Variants in CPNE4 observed in about 807,000 individuals in gnomAD.
The protein encoded by CPNE4 is copine-4.
A neutral mutation model predicts 67.9 loss-of-function variants in CPNE4; 25 were observed. The observed-to-expected ratio is 0.37, with a 90% CI of 0.27 to 0.51. The LOEUF (loss-of-function observed/expected upper bound fraction) is 0.51. Among genes scored for constraint, CPNE4 ranks in the 20% least tolerant of loss-of-function variants. CPNE4 has a pLI of 0.93. For synonymous variants in CPNE4, 242 were observed against 244.9 expected (o/e 0.99, Z 0.11); for missense variants, 464 against 690.8 (o/e 0.67, Z 3.68).
At chr3:131,555,089 G>C (rs1398268216) in intron 12 of CPNE4, among the ~76,000 whole-genome samples, 1 of 152,030 alleles carries the variant, frequency 6.6e-6, no homozygotes, top group Admixed American at 6.6e-5. Flanking sequence ...TGGACTCGGA[G>C]ACTTGGGATA....
At chr3:131,996,590 C>T (rs1055303704) in intron 1 of CPNE4, among the ~76,000 whole-genome samples, 3 of 151,758 alleles carry the variant, frequency 2.0e-5, no homozygotes, top group African/African-American at 7.3e-5. Flanking sequence ...GTACTTAATG[C>T]AGTCCAGCAC....
chr3:131,639,454 A>G (rs1351518800), intron 7 of CPNE4, among the ~76,000 whole-genome samples: 1 of 152,144 alleles, frequency 6.6e-6, no homozygotes, highest in East Asian at 1.9e-4. Flanking sequence ...TCCTAGATTA[A>G]ACCCGGATGA....
At chr3:131,751,454 A>G (rs1182801339) in intron 2 of CPNE4, among the ~76,000 whole-genome samples, 2 of 151,872 alleles carry the variant, frequency 1.3e-5, no homozygotes, top group African/African-American at 2.4e-5. Flanking sequence ...GCTTTTTAAT[A>G]CCAGTTGTTG....
chr3:131,933,556 G>A (rs1317403689), intron 1 of CPNE4, among the ~76,000 whole-genome samples: 2 of 152,106 alleles, frequency 1.3e-5, no homozygotes, highest in Non-Finnish European at 2.9e-5. Flanking sequence ...AAATCAGTGT[G>A]TCTAAGAGAT....
intron 6 of CPNE4, among the ~76,000 whole-genome samples, chr3:131,677,313 T>C (rs1051919032): frequency 1.3e-5 from 2 of 152,040 alleles, no homozygotes; most frequent in Non-Finnish European, 2.9e-5. Context: ...TTAAGTTCCT[T>C]ATAGACGCTG....
chr3:131,743,264 G>A (rs2082399244), intron 2 of CPNE4, among the ~76,000 whole-genome samples: 1 of 152,194 alleles, frequency 6.6e-6, no homozygotes, highest in Admixed American at 6.5e-5. Context: ...CTGTAGACCA[G>A]CCTGTGAAGG....
chr3:131,593,058 A>C (rs1364982551), intron 7 of CPNE4, among the ~76,000 whole-genome samples: 1 of 152,228 alleles, frequency 6.6e-6, no homozygotes, highest in Non-Finnish European at 1.5e-5. Context: ...CTATCTGGCT[A>C]GCAGTTCCCA....
intron 2 of CPNE4, among the ~76,000 whole-genome samples, chr3:131,870,759 CAGA>C (rs2087165918): frequency 6.6e-6 from 1 of 152,102 alleles, no homozygotes; most frequent in African/African-American, 2.4e-5. Context: ...ATGGTGCTAC[CAGA>C]AGGTTTCTAT....
chr3:131,583,511 C>A (rs1937975843), intron 8 of CPNE4, among the ~76,000 whole-genome samples: 1 of 152,124 alleles, frequency 6.6e-6, no homozygotes, highest in South Asian at 2.1e-4. Context: ...CTATTAATCT[C>A]AATTTCTTCT....
intron 2 of CPNE4, among the ~76,000 whole-genome samples, chr3:131,848,042 T>C (rs907575917): frequency 3.9e-5 from 6 of 152,184 alleles, no homozygotes; most frequent in African/African-American, 1.4e-4. Context: ...ATAGTACCCC[T>C]CTTGTGCTCA....
intron 3 of CPNE4, among the ~76,000 whole-genome samples, 172 bp downstream of exon 3, chr3:131,723,274 C>G (rs776311236): frequency 2.6e-5 from 4 of 152,098 alleles, no homozygotes; most frequent in Non-Finnish European, 4.4e-5. Flanking sequence ...AGAATCATCT[C>G]TACATAAACA....
chr3:131,801,458 A>G lies in CPNE4; in HGVS notation c.181-77833T>C, dbSNP rs1285552436. ...TGTGTGTGTGTGTGTGTGTGTATAT[A>G]TATATATATATATATATATAATATC... is the stretch of plus-strand genomic sequence containing the variant. On this transcript the variant is annotated intron_variant, in intron 2 of 15. Coordinates refer to ENST00000429747, the MANE Select transcript of CPNE4 (RefSeq NM_130808.3). Among the ~76,000 whole-genome samples the G allele has an allele frequency of 1.7e-3, 166 of 95,608 alleles. 1 individual carries two copies. Among genetic ancestry groups the G allele is most frequent in the East Asian group, 0.012 (38 of 3,178 alleles). The allele number at this position is 95,608 out of a possible 152,430, so 62.7% of individuals were successfully genotyped here.
At chr3:131,602,098 G>C (rs1202578539) in intron 7 of CPNE4, among the ~76,000 whole-genome samples, 1 of 152,176 alleles carries the variant, frequency 6.6e-6, no homozygotes, top group Non-Finnish European at 1.5e-5. Flanking sequence ...TGATTAACTT[G>C]TCTGGAGTGG....
intron 1 of CPNE4, among the ~76,000 whole-genome samples, chr3:132,005,336 T>TAA (rs2073565921): frequency 8.2e-5 from 2 of 24,356 alleles, no homozygotes; most frequent in Admixed American, 2.6e-4. Flanking sequence ...TATATATATA[T>TAA]ATATATACAC....
intron 2 of CPNE4, among the ~76,000 whole-genome samples, chr3:131,760,830 T>C (rs1189460053): frequency 1.3e-5 from 2 of 152,188 alleles, no homozygotes; most frequent in Non-Finnish European, 2.9e-5. Flanking sequence ...CAAAATGAGA[T>C]GACCAGTTCT....
At chr3:131,925,854 A>G (rs1004989999) in intron 1 of CPNE4, among the ~76,000 whole-genome samples, 1 of 152,180 alleles carries the variant, frequency 6.6e-6, no homozygotes, top group Admixed American at 6.5e-5. Context: ...ACTTTTGGTG[A>G]CTAGTCACCA....
At chr3:131,896,780 C>A (rs958001207) in intron 2 of CPNE4, among the ~76,000 whole-genome samples, 1 of 152,040 alleles carries the variant, frequency 6.6e-6, no homozygotes, top group Non-Finnish European at 1.5e-5. Flanking sequence ...GGATGCCTTA[C>A]CTTATTTCAC....
At chr3:132,010,799 C>T (rs1216674402) in intron 1 of CPNE4, among the ~76,000 whole-genome samples, 1 of 152,214 alleles carries the variant, frequency 6.6e-6, no homozygotes, top group Non-Finnish European at 1.5e-5. Flanking sequence ...TAGCCAATAT[C>T]TGCCTTAATG....
intron 1 of CPNE4, among the ~76,000 whole-genome samples, chr3:132,012,175 T>TTG (rs1046734801): frequency 6.0e-5 from 9 of 148,830 alleles, no homozygotes; most frequent in African/African-American, 2.2e-4. Flanking sequence ...GCTTTTTCGT[T>TTG]TTTTTTTTTT....
Sources: allele counts gnomAD v4.1 joint callset (sites outside exome capture counted in the v4.1 genomes callset), GRCh38; gene constraint gnomAD v4.1.1; transcripts MANE v1.5; gene names NCBI Gene and HGNC (gene_info 2026-07-23, HGNC 2026-07-21).